Variants in GALNTL6 observed in about 807,000 individuals in gnomAD.
GALNTL6 encodes the protein polypeptide N-acetylgalactosaminyltransferase-like 6.
A neutral mutation model predicts 73.7 loss-of-function variants in GALNTL6; 46 were observed. That is an observed-to-expected ratio of 0.62 (90% CI 0.49 to 0.80). The LOEUF is 0.80. Among genes scored for constraint, GALNTL6 ranks in the 30% least tolerant of loss-of-function variants. GALNTL6 has a pLI of 0.00. For missense variants in GALNTL6, 604 were observed against 755.0 expected (o/e 0.80, Z 2.34); for synonymous variants, 259 against 263.7 (o/e 0.98, Z 0.17).
chr4:172,903,227 A>C (rs1746717543), intron 8 of GALNTL6, among the ~76,000 whole-genome samples: 1 of 152,170 alleles, frequency 6.6e-6, no homozygotes, highest in Non-Finnish European at 1.5e-5. Flanking sequence ...TCTATACTGC[A>C]CACCATCCTA....
intron 2 of GALNTL6, among the ~76,000 whole-genome samples, chr4:172,169,346 T>C (rs1734737749): frequency 6.6e-6 from 1 of 152,208 alleles, no homozygotes; most frequent in African/African-American, 2.4e-5. Context: ...CTGAAAGTTA[T>C]TTTAGACAAC....
chr4:172,838,548 TAGAC>T (rs1743033820), intron 7 of GALNTL6, among the ~76,000 whole-genome samples: 1 of 152,232 alleles, frequency 6.6e-6, no homozygotes, highest in South Asian at 2.1e-4. Context: ...CTGTTTAAGT[TAGAC>T]AGAGCGGCTT....
chr4:171,896,600 C>T (rs1423847053), intron 2 of GALNTL6, among the ~76,000 whole-genome samples: 1 of 152,188 alleles, frequency 6.6e-6, no homozygotes, highest in Non-Finnish European at 1.5e-5. Flanking sequence ...AGCACGTTCT[C>T]ACTGTGCCTT....
intron 5 of GALNTL6, among the ~76,000 whole-genome samples, chr4:172,515,498 T>A (rs1561117470): frequency 6.6e-6 from 1 of 152,260 alleles, no homozygotes. Flanking sequence ...TTTTATGATG[T>A]CTTAGGTCAG....
At chr4:172,515,056 AG>A (rs1470128955) in intron 5 of GALNTL6, among the ~76,000 whole-genome samples, 1 of 152,218 alleles carries the variant, frequency 6.6e-6, no homozygotes, top group Non-Finnish European at 1.5e-5. Context: ...AAAAGTTCAC[AG>A]TGTAAGTCTC....
chr4:172,017,078 C>A (rs1741219496), intron 2 of GALNTL6, among the ~76,000 whole-genome samples: 1 of 152,082 alleles, frequency 6.6e-6, no homozygotes, highest in Admixed American at 6.6e-5. Flanking sequence ...GGGAGTTATT[C>A]CTGAGTAGGC....
chr4:172,176,266 C>G (rs1003303167), intron 2 of GALNTL6, among the ~76,000 whole-genome samples: 2 of 138,082 alleles, frequency 1.4e-5, no homozygotes, highest in South Asian at 2.3e-4. Flanking sequence ...CGTGAACCTG[C>G]GAGGCGGAGC....
intron 4 of GALNTL6, among the ~76,000 whole-genome samples, chr4:172,335,479 T>C (rs527258259): frequency 6.6e-6 from 1 of 152,250 alleles, no homozygotes; most frequent in Admixed American, 6.5e-5. Flanking sequence ...TAGGGAGAGG[T>C]CCCTCTTCCT....
chr4:172,342,082 C>T (rs1578974952), intron 4 of GALNTL6, among the ~76,000 whole-genome samples: 1 of 152,086 alleles, frequency 6.6e-6, no homozygotes, highest in Non-Finnish European at 1.5e-5. Flanking sequence ...GCTGTTAGAG[C>T]CTCTATTCAC....
At chr4:172,369,299 T>C (rs1041195982) in intron 5 of GALNTL6, among the ~76,000 whole-genome samples, 4 of 152,228 alleles carry the variant, frequency 2.6e-5, no homozygotes, top group Admixed American at 1.3e-4. Flanking sequence ...AGAGTGCTCA[T>C]TGGTGCGTTT....
intron 5 of GALNTL6, among the ~76,000 whole-genome samples, chr4:172,458,515 G>C (rs337046): frequency 0.89 from 134,726 of 151,970 alleles, 59,753 homozygotes; most frequent in African/African-American, 0.92. Context: ...ATCAAATAGA[G>C]GCAATAAAAA....
intron 4 of GALNTL6, among the ~76,000 whole-genome samples, chr4:172,339,314 C>CACACACACACACAG (rs1254394266): frequency 7.2e-6 from 1 of 138,286 alleles, no homozygotes; most frequent in East Asian, 2.1e-4. Flanking sequence ...CACACACACA[C>CACACACACACACAG]AGAGTTTCCA....
intron 5 of GALNTL6, among the ~76,000 whole-genome samples, chr4:172,791,602 G>T (rs142532756): frequency 3.3e-5 from 5 of 152,246 alleles, no homozygotes; most frequent in African/African-American, 1.2e-4. Flanking sequence ...TATGTCCTCT[G>T]AGGGGGAGGG....
intron 5 of GALNTL6, among the ~76,000 whole-genome samples, chr4:172,597,256 T>C (rs1393255417): frequency 6.6e-6 from 1 of 152,184 alleles, no homozygotes; most frequent in Non-Finnish European, 1.5e-5. Context: ...GCACGCCCTA[T>C]TCTACTGTCT....
At chr4:172,171,104 A>G (rs1486179235) in intron 2 of GALNTL6, among the ~76,000 whole-genome samples, 1 of 152,238 alleles carries the variant, frequency 6.6e-6, no homozygotes, top group African/African-American at 2.4e-5. Context: ...GGAAACGACA[A>G]CCACAACAAC....
chr4:172,963,919 A>G (rs1205234005), intron 10 of GALNTL6, among the ~76,000 whole-genome samples: 1 of 152,268 alleles, frequency 6.6e-6, no homozygotes, highest in Non-Finnish European at 1.5e-5. Context: ...CTTCCTACTT[A>G]AAAGGCAGAA....
chr4:171,990,315 T>A (rs185979657), intron 2 of GALNTL6, among the ~76,000 whole-genome samples: 3 of 152,202 alleles, frequency 2.0e-5, no homozygotes, highest in Non-Finnish European at 4.4e-5. Context: ...CTTATTTTTT[T>A]CAATACTCAT....
chr4:172,971,578 C>G (rs572103434), intron 10 of GALNTL6, among the ~76,000 whole-genome samples: 3 of 152,250 alleles, frequency 2.0e-5, no homozygotes, highest in African/African-American at 7.2e-5. Flanking sequence ...TAGGCATTAA[C>G]CAGGAGTAAA....
intron 5 of GALNTL6, among the ~76,000 whole-genome samples, chr4:172,542,941 A>G (rs994663276): frequency 6.6e-6 from 1 of 151,810 alleles, no homozygotes; most frequent in Non-Finnish European, 1.5e-5. Flanking sequence ...AAAAAAAAAT[A>G]CAAAAATTAG....
Sources: gnomAD v4.1 joint callset for allele counts (sites outside exome capture counted in the v4.1 genomes callset) on GRCh38, gnomAD v4.1.1 for gene constraint, MANE v1.5 for transcripts, NCBI Gene and HGNC (gene_info 2026-07-23, HGNC 2026-07-21) for gene names.